The following NVL variants were observed in gnomAD, a reference collection of about 807,000 sequenced individuals.
NVL encodes nuclear VCP like.
NVL carries 84 observed loss-of-function variants against 110.2 expected under a neutral mutation model. The ratio of observed to expected loss-of-function variants is 0.76; its 90% CI spans 0.64 to 0.91. The LOEUF (loss-of-function observed/expected upper bound fraction) is 0.91, where lower values mean the gene tolerates loss of function less well. Among genes scored for constraint, NVL ranks in the 40% least tolerant of loss-of-function variants. The pLI, the probability that NVL is intolerant of heterozygous loss-of-function variation, is 0.00. For synonymous variants in NVL, 354 were observed against 361.1 expected, an observed-to-expected ratio of 0.98 and a Z score of 0.22; for missense variants, 882 against 1,035.9, an observed-to-expected ratio of 0.85 and a Z score of 2.04.
intron 4 of NVL, among the ~76,000 whole-genome samples, chr1:224,316,696 G>C (rs1286656800): frequency 6.6e-6 from 1 of 150,414 alleles, no homozygotes; most frequent in Non-Finnish European, 1.5e-5. Context: ...AAAAAAGTTT[G>C]CCTAGAAGCA....
At chr1:224,288,190 A>T (rs1667048670) in intron 13 of NVL, among the ~76,000 whole-genome samples, 197 bp from the exon 14 acceptor site, 3 of 152,230 alleles carry the variant, frequency 2.0e-5, no homozygotes, top group African/African-American at 2.4e-5. Flanking sequence ...TGGTCAAGTA[A>T]AGATATACCA....
At position 224,300,218 on chromosome 1, in the gene NVL, A is replaced by G. The variant is rs531566430; in HGVS notation, c.1062+344T>C. 2.7e-4 allele frequency among the ~76,000 whole-genome samples: 41 copies of G among 152,244 alleles called. 1 individual carries two copies. The highest frequency in any genetic ancestry group is 4.6e-4 in the Non-Finnish European group (31 of 68,044). The stretch of plus-strand genomic sequence containing the variant: ...CTAAATAACAATTTTTACATTGCTT[A>G]CAAGTTTTTTTTGGCCAAACTTAAG... On this transcript the variant is annotated intron_variant, in intron 10 of 22. Transcript: ENST00000281701.
intron 5 of NVL, among the ~76,000 whole-genome samples, chr1:224,310,231 C>T (rs10799560): frequency 0.99 from 150,022 of 151,452 alleles, 74,326 homozygotes; most frequent in East Asian, 1. Context: ...ATTTACATCT[C>T]ATTTACATTG....
chr1:224,302,240 T>G (rs766429908), intron 9 of NVL, among the ~76,000 whole-genome samples: 4 of 152,174 alleles, frequency 2.6e-5, no homozygotes, highest in Non-Finnish European at 5.9e-5. Flanking sequence ...CTGGCTCTTG[T>G]TGCCCAAGCT....
intron 4 of NVL, among the ~76,000 whole-genome samples, chr1:224,317,100 C>T (rs916411483): frequency 2.0e-5 from 3 of 147,178 alleles, no homozygotes; most frequent in Non-Finnish European, 4.5e-5. Context: ...GATGGTGCCA[C>T]TGCACTCCAG....
At chr1:224,272,843 A>G (rs6682494) in intron 17 of NVL, among the ~76,000 whole-genome samples, 151,005 of 151,022 alleles carry the variant, frequency 1, 75,494 homozygotes, top group Non-Finnish European at 1. Flanking sequence ...GACCATCCCG[A>G]CTAAAACGGT....
At chr1:224,289,289 TTAAAA>T (rs1242046240) in intron 13 of NVL, 190 bp downstream of exon 13, 11 of 556,732 alleles carry the variant, frequency 2.0e-5, no homozygotes, top group Non-Finnish European at 3.3e-5. Flanking sequence ...AATGAATTTA[TTAAAA>T]TAAACTAAAC....
chr1:224,254,485 T>C (rs1571844647), intron 18 of NVL, among the ~76,000 whole-genome samples: 1 of 144,126 alleles, frequency 6.9e-6, no homozygotes, highest in East Asian at 2.1e-4. Flanking sequence ...CTCTACCTCC[T>C]GGATTCAAGT....
chr1:224,248,414 T>G (rs777033766), intron 19 of NVL, among the ~76,000 whole-genome samples: 2 of 152,220 alleles, frequency 1.3e-5, no homozygotes, highest in African/African-American at 4.8e-5. Context: ...TTTTCCATAC[T>G]GTGCATCAAT....
At chr1:224,248,218 TAC>T (rs1662073226) in intron 19 of NVL, among the ~76,000 whole-genome samples, 1 of 152,232 alleles carries the variant, frequency 6.6e-6, no homozygotes, top group Non-Finnish European at 1.5e-5. Context: ...CTCCCAACTC[TAC>T]AGTTAATCCA....
chr1:224,269,533 C>G (rs1664841210), intron 17 of NVL, among the ~76,000 whole-genome samples: 1 of 152,116 alleles, frequency 6.6e-6, no homozygotes, highest in African/African-American at 2.4e-5. Context: ...ATACAAAGTA[C>G]AGCTACCTCA....
intron 2 of NVL, among the ~76,000 whole-genome samples, chr1:224,320,646 C>CA (rs776623845): frequency 0.069 from 8,978 of 129,826 alleles, 761 homozygotes; most frequent in African/African-American, 0.21. Context: ...GACTCCATCT[C>CA]AAAAAAAAAA....
rs115354566 is a variant in NVL at position 224,274,823 on chromosome 1, A to G, written c.2082+516T>C. Among the ~76,000 whole-genome samples, 1,277 of 152,290 alleles carry G rather than the reference A, an allele frequency of 8.4e-3. 21 individuals are homozygous for G. The highest frequency in any genetic ancestry group is 0.028 in the African/African-American group (1,176 of 41,566). On this transcript the variant is annotated intron_variant, in intron 17 of 22. Transcript: ENST00000281701. The stretch of plus-strand genomic sequence containing the variant: ...GACTGTGACTCAGTGTGGCTGACAC[A>G]AGTGGTATTCAGTGCAGATCAATTT...
chr1:224,270,403 A>C (rs1664965916), intron 17 of NVL, among the ~76,000 whole-genome samples: 1 of 152,000 alleles, frequency 6.6e-6, no homozygotes, highest in African/African-American at 2.4e-5. Context: ...CTAAAAATAC[A>C]AAAAATTAGC....
intron 5 of NVL, 66 bp from the exon 6 acceptor site, chr1:224,308,329 G>A: frequency 7.2e-7 from 1 of 1,392,448 alleles, no homozygotes; most frequent in South Asian, 1.5e-5. Context: ...AAGTTGTATT[G>A]CCTATAGTAA....
At chr1:224,272,481 G>A (rs954027799) in intron 17 of NVL, among the ~76,000 whole-genome samples, 3 of 152,144 alleles carry the variant, frequency 2.0e-5, no homozygotes, top group African/African-American at 7.2e-5. Context: ...ACTTTGGGAG[G>A]CCAAGGCGAG....
At chr1:224,285,293 G>T (rs185179703) in intron 15 of NVL, among the ~76,000 whole-genome samples, 15 of 152,218 alleles carry the variant, frequency 9.9e-5, no homozygotes, top group Non-Finnish European at 2.1e-4. Flanking sequence ...AAATTAGCCG[G>T]GCGTGGTGGC....
At chr1:224,235,933 G>GAAAAAA (rs35435356) in intron 20 of NVL, among the ~76,000 whole-genome samples, 1 of 142,326 alleles carries the variant, frequency 7.0e-6, no homozygotes. Flanking sequence ...ACCCTGTATG[G>GAAAAAA]AAAAAAAAAA....
chr1:224,329,308 A>G (rs974104583), intron 1 of NVL, among the ~76,000 whole-genome samples: 9 of 151,030 alleles, frequency 6.0e-5, no homozygotes, highest in African/African-American at 2.2e-4. Context: ...ATGAGATCAC[A>G]TAGGAAGTAT....
Sources: gnomAD v4.1 joint callset for allele counts (sites outside exome capture counted in the v4.1 genomes callset) on GRCh38, gnomAD v4.1.1 for gene constraint, MANE v1.5 for transcripts, NCBI Gene and HGNC (gene_info 2026-07-23, HGNC 2026-07-21) for gene names.